The following TTC7B variants were observed in gnomAD, a reference collection of about 807,000 sequenced individuals.
TTC7B encodes the protein tetratricopeptide repeat protein 7B.
Under a neutral mutation model 106.8 loss-of-function variants are expected in TTC7B, and 28 were observed. The observed-to-expected ratio is 0.26, with a 90% CI of 0.19 to 0.36. TTC7B has a LOEUF of 0.36. Ranked by LOEUF, TTC7B falls within the 10% of genes least tolerant of loss-of-function variation. TTC7B has a pLI of 1.00. For synonymous variants in TTC7B, 405 were observed against 430.6 expected, an observed-to-expected ratio of 0.94 and a Z score of 0.74; for missense variants, 862 against 1,076.4, an observed-to-expected ratio of 0.80 and a Z score of 2.79.
Position 90,528,491 on chromosome 14 carries a change from G to A in TTC7B, c.*12877C>T, listed in dbSNP as rs1179365787. ...CACTTTGTTACCTGTTTCCGACGGT[G>A]TGACCCGAGTGCGCTTCGTTACCCG... On this transcript the variant is annotated 3_prime_UTR_variant, in exon 20 of 20. Coordinates refer to ENST00000328459, the MANE Select transcript of TTC7B (RefSeq NM_001010854.2). 1.3e-5 allele frequency: 2 copies of A among 152,976 alleles called. No homozygotes were observed. Among genetic ancestry groups the A allele is most frequent in the Non-Finnish European group, 2.9e-5 (2 of 68,630 alleles). The allele number at this position is 152,976 out of a possible 1,614,324, so 9.5% of individuals were successfully genotyped here.
chr14:90,786,158 C>T lies in TTC7B; in HGVS notation c.276+16G>A, dbSNP rs1318229517. 4.6e-6 allele frequency: 7 copies of T among 1,524,046 alleles called. No homozygotes were observed. Among genetic ancestry groups the T allele is most frequent in the Non-Finnish European group, 6.1e-6 (7 of 1,139,716 alleles). The allele number at this position is 1,524,046 out of a possible 1,614,324, so 94.4% of individuals were successfully genotyped here. A position where few individuals can be genotyped will look rare whatever the true frequency, so the allele number is the denominator to read the frequency against. On this transcript the variant is annotated intron_variant, in intron 2 of 19. Transcript: ENST00000328459. The stretch of plus-strand genomic sequence containing the variant: ...GTCCAAAGGAAGTGTCGCCTCAGCC[C>T]AGAGGCCCATGGTACCTTAAGGTTC...
intron 6 of TTC7B, 66 bp downstream of exon 6, chr14:90,695,433 AT>A (rs1887707304): frequency 2.7e-5 from 23 of 852,900 alleles, no homozygotes; most frequent in South Asian, 6.9e-5. Flanking sequence ...ATGTAAAAAA[AT>A]ATGAATGTAA....
intron 18 of TTC7B, among the ~76,000 whole-genome samples, chr14:90,589,427 C>A (rs1001203455): frequency 1.3e-5 from 2 of 152,146 alleles, no homozygotes; most frequent in South Asian, 2.1e-4. Flanking sequence ...TGTTTTAAAT[C>A]ATCTCTAGAT....
intron 3 of TTC7B, among the ~76,000 whole-genome samples, chr14:90,777,532 AC>A (rs1438198647): frequency 6.6e-6 from 1 of 151,894 alleles, no homozygotes; most frequent in Non-Finnish European, 1.5e-5. Flanking sequence ...CTATCTGAAA[AC>A]CCTGGCCAAC....
chr14:90,544,055 G>A (rs894644327), intron 19 of TTC7B, among the ~76,000 whole-genome samples: 4 of 152,224 alleles, frequency 2.6e-5, no homozygotes, highest in African/African-American at 4.8e-5. Context: ...ACCCATGGCC[G>A]AGGGCAGTGT....
intron 19 of TTC7B, among the ~76,000 whole-genome samples, chr14:90,548,830 A>G (rs1889948807): frequency 6.6e-6 from 1 of 152,104 alleles, no homozygotes; most frequent in African/African-American, 2.4e-5. Flanking sequence ...AGAGGGTGAA[A>G]GATTTTCTCA....
At chr14:90,662,972 A>G (rs1886267734) in intron 9 of TTC7B, among the ~76,000 whole-genome samples, 1 of 152,236 alleles carries the variant, frequency 6.6e-6, no homozygotes, top group Non-Finnish European at 1.5e-5. Flanking sequence ...CATTTTAGAA[A>G]AGGATTCAAT....
At chr14:90,677,635 C>T (rs184609891) in intron 8 of TTC7B, among the ~76,000 whole-genome samples, 1 of 152,192 alleles carries the variant, frequency 6.6e-6, no homozygotes, top group East Asian at 1.9e-4. Flanking sequence ...AAGGCCCCCC[C>T]AGTCTTTCCT....
Position 90,529,937 on chromosome 14 carries a change from CG to C in TTC7B, c.*11430del, listed in dbSNP as rs370284855. On this transcript the variant is annotated 3_prime_UTR_variant, in exon 20 of 20. Coordinates refer to ENST00000328459, the MANE Select transcript of TTC7B (RefSeq NM_001010854.2). ...AGAATATTAAGTGAAAAGATCCATACGGTGTTATAGATAGTATGATTTCACT... is the reference window on the plus strand; with the variant it reads ...AGAATATTAAGTGAAAAGATCCATACGTGTTATAGATAGTATGATTTCACT... The C allele has an allele frequency of 9.3e-4, 142 of 152,294 alleles. No individual in the cohort carries two copies. Among genetic ancestry groups the C allele is most frequent in the African/African-American group, 3.3e-3 (138 of 41,566 alleles). The allele number at this position is 152,294 out of a possible 1,614,324, so 9.4% of individuals were successfully genotyped here.
chr14:90,639,581 G>T (rs752294618), intron 15 of TTC7B, among the ~76,000 whole-genome samples: 3 of 152,224 alleles, frequency 2.0e-5, no homozygotes, highest in Non-Finnish European at 2.9e-5. Flanking sequence ...GAGCGCTGCT[G>T]ATGGGAGTGT....
intron 16 of TTC7B, 89 bp from the exon 17 acceptor site, chr14:90,610,928 A>G (rs996699082): frequency 7.0e-6 from 6 of 859,864 alleles, no homozygotes; most frequent in East Asian, 2.4e-5. Context: ...CTGAAGGCCA[A>G]TGAATACTTT....
chr14:90,750,632 G>T (rs973277518), intron 3 of TTC7B, among the ~76,000 whole-genome samples: 4 of 152,180 alleles, frequency 2.6e-5, no homozygotes, highest in Admixed American at 6.5e-5. Flanking sequence ...TTTCCTGTGG[G>T]TTCATGTTCT....
intron 19 of TTC7B, among the ~76,000 whole-genome samples, chr14:90,568,361 A>G (rs1890884901): frequency 6.6e-6 from 1 of 152,244 alleles, no homozygotes; most frequent in South Asian, 2.1e-4. Flanking sequence ...AACGGGGCAG[A>G]ATTTCCAAGA....
rs887635679 is a variant in TTC7B, at chr14:90,558,611, G to A, written c.2311-17022C>T. 2.0e-5 allele frequency among the ~76,000 whole-genome samples: 3 copies of A among 152,216 alleles called. No individual in the cohort carries two copies. The East Asian group carries it at 5.8e-4, about 29-fold the overall frequency. On this transcript the variant is annotated intron_variant, in intron 19 of 19. Coordinates refer to ENST00000328459, the MANE Select transcript of TTC7B (RefSeq NM_001010854.2). ...ATAAAACACCTTCTGATGAAGGGAG[G>A]CCTGGAACTGATAGGCCTTGGAAAA...
intron 5 of TTC7B, among the ~76,000 whole-genome samples, chr14:90,708,995 C>T (rs1451004881): frequency 6.6e-6 from 1 of 151,272 alleles, no homozygotes; most frequent in East Asian, 1.9e-4. Flanking sequence ...GATACCATCT[C>T]ACACCAGTTA....
At chr14:90,737,521 A>G (rs1443545333) in intron 4 of TTC7B, among the ~76,000 whole-genome samples, 1 of 151,804 alleles carries the variant, frequency 6.6e-6, no homozygotes, top group Admixed American at 6.6e-5. Context: ...AGCCAGCCAT[A>G]AAAGATCATA....
intron 3 of TTC7B, among the ~76,000 whole-genome samples, chr14:90,756,149 T>C (rs1265422118): frequency 2.6e-5 from 4 of 152,120 alleles, no homozygotes; most frequent in Non-Finnish European, 4.4e-5. Flanking sequence ...GATGAGTAAG[T>C]GTAGCCTCTG....
chr14:90,550,112 T>C (rs115242968), intron 19 of TTC7B, among the ~76,000 whole-genome samples: 235 of 152,308 alleles, frequency 1.5e-3, no homozygotes, highest in African/African-American at 5.5e-3. Context: ...AAACAAGCAC[T>C]GGCCTCGAGA....
At chr14:90,623,426 A>G (rs139607127) in intron 15 of TTC7B, among the ~76,000 whole-genome samples, 86 of 152,336 alleles carry the variant, frequency 5.6e-4, no homozygotes, top group African/African-American at 2.0e-3. Context: ...ATCCCACCAT[A>G]CTACTGGCAC....
Sources: gnomAD v4.1 joint callset for allele counts (sites outside exome capture counted in the v4.1 genomes callset) on GRCh38, gnomAD v4.1.1 for gene constraint, MANE v1.5 for transcripts, NCBI Gene and HGNC (gene_info 2026-07-23, HGNC 2026-07-21) for gene names.